UBAC2: variants seen among roughly 807,000 people sequenced by gnomAD.
UBAC2 encodes the protein UBA domain containing 2.
Under a neutral mutation model 44.0 loss-of-function variants are expected in UBAC2, and 26 were observed. The observed-to-expected ratio is 0.59, with a 90% confidence interval of 0.43 to 0.82. UBAC2 has a LOEUF of 0.82. UBAC2 is among the 40% of genes least tolerant of loss of function. The pLI is 0.00. For missense variants in UBAC2, 329 were observed against 419.4 expected (o/e 0.78, Z 1.88); for synonymous variants, 155 against 154.3 (o/e 1.00, Z -0.04).
intron 4 of UBAC2, among the ~76,000 whole-genome samples, chr13:99,292,587 T>G (rs2044105711): frequency 6.6e-6 from 1 of 152,180 alleles, no homozygotes; most frequent in Non-Finnish European, 1.5e-5. Flanking sequence ...ATGGACTGTT[T>G]TATAAATTAT....
At chr13:99,230,261 C>T (rs1435482907) in intron 1 of UBAC2, among the ~76,000 whole-genome samples, 7 of 151,848 alleles carry the variant, frequency 4.6e-5, no homozygotes, top group African/African-American at 7.3e-5. Context: ...CTCAGGAGTT[C>T]GAGACCAGCC....
intron 8 of UBAC2, among the ~76,000 whole-genome samples, chr13:99,380,878 C>G (rs182752164): frequency 2.0e-5 from 3 of 152,214 alleles, no homozygotes; most frequent in African/African-American, 7.2e-5. Flanking sequence ...TCTTCTCACC[C>G]ATAAAAATCA....
intron 4 of UBAC2, among the ~76,000 whole-genome samples, chr13:99,265,413 G>C (rs1455700435): frequency 6.6e-6 from 1 of 152,242 alleles, no homozygotes. Flanking sequence ...TTCTCAGACT[G>C]TGTTGGCTTA....
chr13:99,269,257 T>C (rs1367364514), intron 4 of UBAC2, among the ~76,000 whole-genome samples: 1 of 152,172 alleles, frequency 6.6e-6, no homozygotes, highest in Non-Finnish European at 1.5e-5. Flanking sequence ...AAATGAGCTA[T>C]ATTCTGATTC....
At chr13:99,237,849 G>A (rs2043256661) in intron 1 of UBAC2, among the ~76,000 whole-genome samples, 1 of 152,152 alleles carries the variant, frequency 6.6e-6, no homozygotes, top group Non-Finnish European at 1.5e-5. Flanking sequence ...CAGCTACTCA[G>A]GAGGCTGAGG....
In UBAC2 at chr13:99,260,682, A is replaced by T. The variant is rs139455385; in HGVS notation, c.389+16058A>T. Among the ~76,000 whole-genome samples, 764 of 152,312 alleles carry T rather than the reference A, an allele frequency of 5.0e-3. 4 individuals carry two copies. Among genetic ancestry groups the T allele is most frequent in the Non-Finnish European group, 8.7e-3 (592 of 68,016 alleles). ...CAAGGATTCAACTTGTATAATGTAG[A>T]CACAAGTTTCTTTAATACTTGAACC... On this transcript the variant is annotated intron_variant, in intron 4 of 8. Transcript: ENST00000403766.
intron 7 of UBAC2, among the ~76,000 whole-genome samples, chr13:99,355,812 G>T (rs2045171845): frequency 6.6e-6 from 1 of 152,208 alleles, no homozygotes; most frequent in Non-Finnish European, 1.5e-5. Context: ...TCTGTGCAGG[G>T]GGCCTGGAGG....
At chr13:99,284,106 A>C (rs950748804) in intron 4 of UBAC2, among the ~76,000 whole-genome samples, 2 of 152,230 alleles carry the variant, frequency 1.3e-5, no homozygotes, top group Non-Finnish European at 2.9e-5. Flanking sequence ...TGAGCATTTT[A>C]ACTTGCCAGA....
At chr13:99,208,061 G>T (rs2142647027) in intron 1 of UBAC2, among the ~76,000 whole-genome samples, 1 of 144,898 alleles carries the variant, frequency 6.9e-6, no homozygotes, top group East Asian at 2.0e-4. Context: ...GCAATGGCGT[G>T]ATCTTGGCTC....
chr13:99,325,645 G>A (rs114399580), intron 6 of UBAC2, among the ~76,000 whole-genome samples: 116 of 152,156 alleles, frequency 7.6e-4, no homozygotes, highest in African/African-American at 2.6e-3. Flanking sequence ...GGAGCTTATC[G>A]CTCTTGCTTA....
intron 8 of UBAC2, among the ~76,000 whole-genome samples, chr13:99,379,530 CCTTG>C (rs1400993980): frequency 1.3e-5 from 2 of 152,168 alleles, no homozygotes; most frequent in African/African-American, 4.8e-5. Context: ...CCTGATAGAT[CCTTG>C]CTTGTTTCCT....
intron 8 of UBAC2, chr13:99,372,708 G>C (rs150851648): frequency 6.6e-6 from 1 of 152,542 alleles, no homozygotes; most frequent in Non-Finnish European, 1.5e-5. Flanking sequence ...GGAGGAAGAA[G>C]AAGATAAATA....
intron 7 of UBAC2, among the ~76,000 whole-genome samples, chr13:99,363,178 T>C (rs1363974499): frequency 2.0e-5 from 3 of 152,328 alleles, no homozygotes; most frequent in Non-Finnish European, 4.4e-5. Context: ...ATTCCTAGAC[T>C]CTGTCTTCTG....
chr13:99,365,760 C>G (rs1030135959), intron 7 of UBAC2, among the ~76,000 whole-genome samples: 2 of 152,060 alleles, frequency 1.3e-5, no homozygotes, highest in South Asian at 4.2e-4. Flanking sequence ...GTATATATGT[C>G]CATTCAGAAA....
At chr13:99,255,958 A>T in intron 4 of UBAC2, 1 of 1,287,012 alleles carries the variant, frequency 7.8e-7, no homozygotes, top group Non-Finnish European at 1.1e-6. Flanking sequence ...TAAAAAATAA[A>T]TGCTTAACAT....
intron 4 of UBAC2, among the ~76,000 whole-genome samples, chr13:99,309,560 G>T (rs115171946): frequency 6.6e-6 from 1 of 152,160 alleles, no homozygotes; most frequent in East Asian, 1.9e-4. Context: ...GGTTTCTTGA[G>T]TTGTGATTGT....
chr13:99,339,094 C>T (rs2044845325), intron 6 of UBAC2, among the ~76,000 whole-genome samples: 1 of 152,132 alleles, frequency 6.6e-6, no homozygotes, highest in Non-Finnish European at 1.5e-5. Context: ...CTTATCTCGA[C>T]CTTTTCCTTG....
At chr13:99,210,804 G>A (rs946815423) in intron 1 of UBAC2, among the ~76,000 whole-genome samples, 1 of 152,036 alleles carries the variant, frequency 6.6e-6, no homozygotes, top group Admixed American at 6.5e-5. Context: ...TAGAGACGGG[G>A]TTTCACCGTG....
chr13:99,251,006 C>T (rs2043452055), intron 4 of UBAC2, among the ~76,000 whole-genome samples: 1 of 152,140 alleles, frequency 6.6e-6, no homozygotes, highest in South Asian at 2.1e-4. Context: ...GCCTCGGCCT[C>T]CCAAAGTGCT....
Sources: allele counts gnomAD v4.1 joint callset (sites outside exome capture counted in the v4.1 genomes callset), GRCh38; gene constraint gnomAD v4.1.1; transcripts MANE v1.5; gene names NCBI Gene and HGNC (gene_info 2026-07-23, HGNC 2026-07-21).